Variants in TMED10 observed in about 807,000 individuals in gnomAD.
TMED10 encodes the protein transmembrane p24 trafficking protein 10.
TMED10 carries 7 observed loss-of-function variants against 23.1 expected under a neutral mutation model. The observed-to-expected ratio is 0.30, with a 90% CI of 0.17 to 0.57. TMED10 has a LOEUF of 0.57. Among genes scored for constraint, TMED10 ranks in the 20% least tolerant of loss-of-function variants. The pLI, the probability that TMED10 is intolerant of heterozygous loss-of-function variation, is 0.91. For missense variants in TMED10, 162 were observed against 274.8 expected, an observed-to-expected ratio of 0.59 and a Z score of 2.90; for synonymous variants, 113 against 106.9, an observed-to-expected ratio of 1.06 and a Z score of -0.35.
At chr14:75,141,214 G>A (rs17782929) in intron 3 of TMED10, among the ~76,000 whole-genome samples, 2,458 of 152,280 alleles carry the variant, frequency 0.016, 29 homozygotes, top group Non-Finnish European at 0.026. Context: ...GGTCTCACAA[G>A]TTGGGCAGGA....
At chr14:75,145,583 C>A (rs1415865380) in intron 3 of TMED10, among the ~76,000 whole-genome samples, 1 of 152,080 alleles carries the variant, frequency 6.6e-6, no homozygotes, top group Admixed American at 6.6e-5. Context: ...GTCAGGAGAT[C>A]GAGACCATCC....
At chr14:75,144,967 G>C (rs1373853830) in intron 3 of TMED10, among the ~76,000 whole-genome samples, 1 of 152,156 alleles carries the variant, frequency 6.6e-6, no homozygotes, top group Non-Finnish European at 1.5e-5. Context: ...CCAGCTAACA[G>C]CCATTTCTAA....
chr14:75,171,452 G>T (rs1488569592), intron 1 of TMED10, among the ~76,000 whole-genome samples: 1 of 152,014 alleles, frequency 6.6e-6, no homozygotes, highest in Non-Finnish European at 1.5e-5. Context: ...GCTAATTTTT[G>T]TATGTTTGGT....
At chr14:75,137,542 G>GC (rs1424564748) in intron 3 of TMED10, among the ~76,000 whole-genome samples, 1 of 150,074 alleles carries the variant, frequency 6.7e-6, no homozygotes, top group East Asian at 2.1e-4. Context: ...GGGCGTGGTG[G>GC]CGGGCGCCTG....
intron 2 of TMED10, 77 bp from the exon 3 acceptor site, chr14:75,147,814 C>G: frequency 1.6e-6 from 2 of 1,249,374 alleles, no homozygotes; most frequent in East Asian, 8.7e-5. Flanking sequence ...CGCCCGCCCT[C>G]CCTCTACAGA....
chr14:75,143,308 G>A (rs1277646553), intron 3 of TMED10, among the ~76,000 whole-genome samples: 3 of 152,124 alleles, frequency 2.0e-5, no homozygotes, highest in African/African-American at 4.8e-5. Flanking sequence ...CAAAATACCA[G>A]TAAAATTAAA....
chr14:75,169,275 G>A (rs954337236), intron 1 of TMED10, among the ~76,000 whole-genome samples: 1 of 152,176 alleles, frequency 6.6e-6, no homozygotes, highest in Admixed American at 6.5e-5. Flanking sequence ...TGATAACATA[G>A]GTGCATTCAC....
intron 1 of TMED10, among the ~76,000 whole-genome samples, chr14:75,168,452 G>A (rs1302959819): frequency 6.6e-6 from 1 of 152,022 alleles, no homozygotes; most frequent in Non-Finnish European, 1.5e-5. Context: ...ATAGCATGAG[G>A]GGCTCTGAGA....
At chr14:75,153,777 C>CCTTTTTTT (rs373665306) in intron 1 of TMED10, among the ~76,000 whole-genome samples, 1 of 131,782 alleles carries the variant, frequency 7.6e-6, no homozygotes, top group African/African-American at 2.8e-5. Flanking sequence ...TTTTTTTTCC[C>CCTTTTTTT]TTTTTTTTTT....
intron 1 of TMED10, among the ~76,000 whole-genome samples, chr14:75,170,191 G>A (rs1038308224): frequency 1.3e-5 from 2 of 152,096 alleles, no homozygotes; most frequent in African/African-American, 2.4e-5. Flanking sequence ...TTGCACCACC[G>A]CACTGCAGCC....
chr14:75,156,021 T>C (rs1387352650), intron 1 of TMED10, among the ~76,000 whole-genome samples: 1 of 152,172 alleles, frequency 6.6e-6, no homozygotes, highest in Non-Finnish European at 1.5e-5. Context: ...GGCCCAATCA[T>C]GTAGAACTAG....
intron 1 of TMED10, among the ~76,000 whole-genome samples, chr14:75,170,788 A>G (rs1471368800): frequency 6.6e-6 from 1 of 152,236 alleles, no homozygotes; most frequent in African/African-American, 2.4e-5. Context: ...TAATCAGATG[A>G]TATTAATTCC....
rs1255948587 is a variant in TMED10 at position 75,176,426 on chromosome 14, G to A, written c.154C>T (p.Leu52=). 3.1e-6 allele frequency: 5 copies of A among 1,614,258 alleles called. No individual in the cohort carries two copies. Among genetic ancestry groups the A allele is most frequent in the East Asian group, 2.2e-5 (1 of 44,888 alleles). The change falls in exon 1 of 5, where the codon CTG becomes TTG. Residue 52 remains leucine (L), a synonymous_variant. Transcript: ENST00000303575. ...KCLREEIHKD[L]LVTGAYEISD... Reference sequence around the variant, plus strand: ...ATCTCGTACGCGCCAGTCACTAGCAGGTCCTTGTGAATCTCCTCACGGAGG... The same window carrying A: ...ATCTCGTACGCGCCAGTCACTAGCAAGTCCTTGTGAATCTCCTCACGGAGG...
rs539164372 is a variant in TMED10 at position 75,140,016 on chromosome 14, T to G, written c.412-4130A>C. 3.3e-4 allele frequency among the ~76,000 whole-genome samples: 51 copies of G among 152,272 alleles called. 2 individuals carry two copies. In the South Asian group the frequency reaches 1.0e-2, roughly 30 times the overall value. Reference sequence around the variant, plus strand: ...GACGGACTTAACAATTAAATGCTATTAAGGAAAGTAATTCCGCCTTCCTCC... The same window carrying G: ...GACGGACTTAACAATTAAATGCTATGAAGGAAAGTAATTCCGCCTTCCTCC... On this transcript the variant is annotated intron_variant, in intron 3 of 4. Coordinates refer to ENST00000303575, the MANE Select transcript of TMED10 (RefSeq NM_006827.6).
intron 1 of TMED10, 153 bp downstream of exon 1, chr14:75,176,202 G>T: frequency 1.1e-6 from 1 of 896,030 alleles, no homozygotes; most frequent in Non-Finnish European, 1.7e-6. Context: ...CAACCAGCGG[G>T]GTGAGGGGGC....
intron 2 of TMED10, 86 bp downstream of exon 2, chr14:75,151,946 A>G: frequency 8.7e-7 from 1 of 1,143,960 alleles, no homozygotes; most frequent in South Asian, 1.5e-5. Flanking sequence ...AATACAAATG[A>G]AACTAGATAT....
At chr14:75,168,993 A>G (rs182688489) in intron 1 of TMED10, among the ~76,000 whole-genome samples, 27 of 152,312 alleles carry the variant, frequency 1.8e-4, no homozygotes, top group African/African-American at 4.1e-4. Context: ...TAAAGAGAAC[A>G]TTATATTCAA....
chr14:75,173,575 A>G (rs1009900807), intron 1 of TMED10, among the ~76,000 whole-genome samples: 1 of 152,006 alleles, frequency 6.6e-6, no homozygotes, highest in African/African-American at 2.4e-5. Flanking sequence ...GGTCCAATTT[A>G]TTCAATGATA....
chr14:75,144,020 G>C (rs1895853733), intron 3 of TMED10, among the ~76,000 whole-genome samples: 1 of 151,504 alleles, frequency 6.6e-6, no homozygotes, highest in South Asian at 2.1e-4. Flanking sequence ...CAGAACTTTT[G>C]GAAAGTCTTC....
Sources: allele counts gnomAD v4.1 joint callset (sites outside exome capture counted in the v4.1 genomes callset), GRCh38; gene constraint gnomAD v4.1.1; transcripts MANE v1.5; gene names NCBI Gene and HGNC (gene_info 2026-07-23, HGNC 2026-07-21).